Variants in CSNK1G1 observed in about 807,000 individuals in gnomAD.
The protein encoded by CSNK1G1 is casein kinase 1 gamma 1, also known as casein kinase I isoform gamma-1.
A neutral mutation model predicts 59.6 loss-of-function variants in CSNK1G1; 22 were observed. The observed-to-expected ratio is 0.37, with a 90% CI of 0.26 to 0.53. The LOEUF (loss-of-function observed/expected upper bound fraction) is 0.53. Among genes scored for constraint, CSNK1G1 ranks in the 20% least tolerant of loss-of-function variants. The probability of loss-of-function intolerance (pLI) is 0.89; values close to 1 mark genes in which losing one functional copy is unlikely to be tolerated. For missense variants in CSNK1G1, 384 were observed against 519.5 expected, an observed-to-expected ratio of 0.74 and a Z score of 2.54; for synonymous variants, 179 against 177.1, an observed-to-expected ratio of 1.01 and a Z score of -0.08.
At chr15:64,309,710 T>C (rs904988134) in intron 1 of CSNK1G1, among the ~76,000 whole-genome samples, 10 of 152,180 alleles carry the variant, frequency 6.6e-5, no homozygotes, top group African/African-American at 1.9e-4. Context: ...TGCGTTATCA[T>C]TGTGATCATT....
intron 6 of CSNK1G1, among the ~76,000 whole-genome samples, chr15:64,208,695 AATTT>A (rs1351079216): frequency 2.6e-5 from 4 of 151,994 alleles, no homozygotes; most frequent in African/African-American, 7.2e-5. Context: ...ACACTCGGCT[AATTT>A]ATTTATTTTT....
At chr15:64,172,579 G>T (rs1308361596) in intron 11 of CSNK1G1, among the ~76,000 whole-genome samples, 1 of 151,482 alleles carries the variant, frequency 6.6e-6, no homozygotes, top group African/African-American at 2.4e-5. Context: ...TAATAATGAC[G>T]GTGAGCCACA....
intron 2 of CSNK1G1, among the ~76,000 whole-genome samples, chr15:64,277,871 A>G (rs1398820007): frequency 1.4e-5 from 2 of 138,998 alleles, no homozygotes; most frequent in African/African-American, 5.5e-5. Context: ...TATATTTAAT[A>G]ATAATATTGA....
chr15:64,320,513 T>C (rs1896502237), intron 1 of CSNK1G1, among the ~76,000 whole-genome samples: 1 of 151,730 alleles, frequency 6.6e-6, no homozygotes, highest in Admixed American at 6.6e-5. Context: ...ATTCTGTCTC[T>C]ACCAAAAATA....
chr15:64,171,553 C>T lies in CSNK1G1; in HGVS notation c.*378G>A. ...AGCCTTTAGCTCACTAGGTTTTATG[C>T]TGGAGAGGGTTGAGGGTGGGGTAAA... On this transcript the variant is annotated 3_prime_UTR_variant, in exon 12 of 12. Coordinates refer to ENST00000303052, the MANE Select transcript of CSNK1G1 (RefSeq NM_022048.5). The surrounding 1 kb of genome is among the most constrained non-coding windows in gnomAD (Gnocchi z 4.8). The T allele has an allele frequency of 4.7e-6, 1 of 213,050 alleles. No individual in the cohort carries two copies. The highest frequency in any genetic ancestry group is 9.5e-6 in the Non-Finnish European group (1 of 105,292). 13.2% of individuals were successfully genotyped at this position (213,050 alleles called of 1,614,324 possible). A position where few individuals can be genotyped will look rare whatever the true frequency, so the allele number is the denominator to read the frequency against.
chr15:64,278,190 G>A (rs1277023866), intron 2 of CSNK1G1, among the ~76,000 whole-genome samples: 4 of 150,692 alleles, frequency 2.7e-5, no homozygotes, highest in South Asian at 2.1e-4. Flanking sequence ...GGGATTACAC[G>A]TGCCCACCAC....
At chr15:64,217,620 C>T (rs753737417) in intron 4 of CSNK1G1, among the ~76,000 whole-genome samples, 10 of 151,992 alleles carry the variant, frequency 6.6e-5, no homozygotes, top group African/African-American at 2.4e-4. Context: ...GAGTTTGAGA[C>T]CAGCCTGGCC....
At chr15:64,226,297 C>T (rs574000297) in intron 4 of CSNK1G1, among the ~76,000 whole-genome samples, 10 of 152,132 alleles carry the variant, frequency 6.6e-5, no homozygotes, top group African/African-American at 9.7e-5. Flanking sequence ...TGGTGGCTCA[C>T]GCCTGTAATC....
At position 64,176,199 on chromosome 15, in the gene CSNK1G1, C is replaced by T. The variant is rs1284794874; in HGVS notation, c.1214+4149G>A. 2.5e-6 allele frequency: 1 copy of T among 398,624 alleles called. No individual in the cohort carries two copies. The highest frequency in any genetic ancestry group is 4.4e-6 in the Non-Finnish European group (1 of 226,094). 24.7% of individuals were successfully genotyped at this position (398,624 alleles called of 1,614,324 possible). Reference sequence around the variant, plus strand: ...AATGTTCCTAAGGCATTTTGTTTGGCTTTGCCAGTCCCAGCCTAGTCTGGT... The same window carrying T: ...AATGTTCCTAAGGCATTTTGTTTGGTTTTGCCAGTCCCAGCCTAGTCTGGT... On this transcript the variant is annotated intron_variant, in intron 11 of 11. Coordinates refer to ENST00000303052, the MANE Select transcript of CSNK1G1 (RefSeq NM_022048.5). This position sits in a 1 kb window ranked among gnomAD's most constrained non-coding sequence, Gnocchi z 5.2.
intron 4 of CSNK1G1, among the ~76,000 whole-genome samples, chr15:64,240,977 C>T (rs192127964): frequency 6.0e-4 from 92 of 152,116 alleles, no homozygotes; most frequent in Non-Finnish European, 1.1e-3. Flanking sequence ...TATAAAGCAA[C>T]CAGAAAAAGA....
Position 64,319,914 on chromosome 15 carries a change from G to A in CSNK1G1, c.-224-19191C>T, listed in dbSNP as rs1017438383. Among the ~76,000 whole-genome samples the A allele has an allele frequency of 4.4e-5, 6 of 137,574 alleles. No individual in the cohort carries two copies. The East Asian group carries it at 1.3e-3, about 30-fold the overall frequency. 90.3% of individuals were successfully genotyped at this position (137,574 alleles called of 152,430 possible). ...AATAAATGACTGCCTAAGTAGATCA[G>A]GGCTTTTTTTTTTTTTTTTTTTTTT... is the stretch of plus-strand genomic sequence containing the variant. On this transcript the variant is annotated intron_variant, in intron 1 of 11. Coordinates refer to ENST00000303052, the MANE Select transcript of CSNK1G1 (RefSeq NM_022048.5).
chr15:64,218,561 G>C (rs1255292537), intron 4 of CSNK1G1, among the ~76,000 whole-genome samples: 1 of 150,528 alleles, frequency 6.6e-6, no homozygotes, highest in East Asian at 2.0e-4. Flanking sequence ...ATTTTTTTTT[G>C]CATTTTTTGG....
chr15:64,350,058 T>C (rs1898197306), intron 1 of CSNK1G1, among the ~76,000 whole-genome samples: 1 of 152,190 alleles, frequency 6.6e-6, no homozygotes, highest in Admixed American at 6.5e-5. Context: ...TAAGTAAGCT[T>C]GTTTTAAGTT....
intron 2 of CSNK1G1, among the ~76,000 whole-genome samples, chr15:64,267,940 C>T (rs1422911943): frequency 6.6e-6 from 1 of 151,902 alleles, no homozygotes; most frequent in Non-Finnish European, 1.5e-5. Flanking sequence ...CATGGCAAAA[C>T]CCATCTCTAC....
intron 2 of CSNK1G1, among the ~76,000 whole-genome samples, chr15:64,277,671 TTAATAATATAGCAATATTGATATATTTAA>T (rs1893755407): frequency 4.4e-5 from 6 of 135,354 alleles, no homozygotes; most frequent in African/African-American, 1.4e-4. Flanking sequence ...ATTGATATAT[TTAATAATATAGCAATATTGATATATTTAA>T]TAATATATTA....
At chr15:64,232,899 C>G (rs1268950350) in intron 4 of CSNK1G1, among the ~76,000 whole-genome samples, 1 of 152,080 alleles carries the variant, frequency 6.6e-6, no homozygotes, top group Non-Finnish European at 1.5e-5. Flanking sequence ...AAAATAGCAC[C>G]AGAACCTTCA....
Position 64,180,458 on chromosome 15 carries a change from A to T in CSNK1G1, c.1108-4T>A. The T allele has an allele frequency of 1.2e-6, 2 of 1,611,446 alleles. No individual in the cohort carries two copies. The highest frequency in any genetic ancestry group is 1.7e-6 in the Non-Finnish European group (2 of 1,177,588). On this transcript the variant is annotated splice_polypyrimidine_tract_variant and splice_region_variant and intron_variant, in intron 10 of 11. Transcript: ENST00000303052. ...CTCCATTGGTTGAGCTAACCACCTGAAACAGAAAGACAGAAGTGTGTGACA... is the reference window on the plus strand; with the variant it reads ...CTCCATTGGTTGAGCTAACCACCTGTAACAGAAAGACAGAAGTGTGTGACA...
At chr15:64,207,988 C>G (rs1364922765) in intron 6 of CSNK1G1, among the ~76,000 whole-genome samples, 1 of 152,160 alleles carries the variant, frequency 6.6e-6, no homozygotes, top group African/African-American at 2.4e-5. Flanking sequence ...GATTAAGCAA[C>G]CCAAACTGTT....
In CSNK1G1 at chr15:64,300,417, G is replaced by A. The variant is rs772865521; in HGVS notation, c.83C>T (p.Pro28Leu). 17 of 1,614,026 alleles carry A rather than the reference G, an allele frequency of 1.1e-5. No homozygotes were observed. The East Asian group carries it at 3.8e-4, about 36-fold the overall frequency. ...MAQRSAHCSRPSGSSSSSGVL... is the reference protein window; with the variant it reads ...MAQRSAHCSRLSGSSSSSGVL... Reference sequence around the variant, plus strand: ...CCCAGAGGACGATGAGGAGCCAGATGGTCGAGAGCAGTGTGCACTCCTTTG... The same window carrying A: ...CCCAGAGGACGATGAGGAGCCAGATAGTCGAGAGCAGTGTGCACTCCTTTG... Residue 28 changes from proline to leucine, a missense_variant, in exon 2 of 12, where the codon CCA becomes CTA. By Grantham distance (98) the Pro-to-Leu change is moderately conservative. Transcript: ENST00000303052.
Sources: allele counts gnomAD v4.1 joint callset (sites outside exome capture counted in the v4.1 genomes callset), GRCh38; gene constraint gnomAD v4.1.1; non-coding constraint Gnocchi (gnomAD v3.1); transcripts MANE v1.5; gene names NCBI Gene and HGNC (gene_info 2026-07-23, HGNC 2026-07-21).